Variants in SMS observed in about 807,000 individuals in gnomAD.
The protein encoded by SMS is spermine synthase.
A neutral mutation model predicts 33.0 loss-of-function variants in SMS; 3 were observed. The observed-to-expected ratio is 0.09, with a 90% confidence interval of 0.04 to 0.23. The LOEUF is 0.23. Among genes scored for constraint, SMS ranks in the 10% least tolerant of loss-of-function variants. The probability of loss-of-function intolerance (pLI) is 1.00; values close to 1 mark genes in which losing one functional copy is unlikely to be tolerated. For synonymous variants in SMS, 103 were observed against 112.2 expected, an observed-to-expected ratio of 0.92 and a Z score of 0.52; for missense variants, 117 against 288.6, an observed-to-expected ratio of 0.41 and a Z score of 4.31.
rs185363251 is a variant in SMS, at chrX:21,987,825, C to T, written c.945+2602C>T. On this transcript the variant is annotated intron_variant, in intron 9 of 10. Coordinates refer to ENST00000404933, the MANE Select transcript of SMS (RefSeq NM_004595.5). The stretch of plus-strand genomic sequence containing the variant: ...CACTAAGTCCACCTGTTGTCTACTA[C>T]AGCCGAGTGGCTGTTCTTCTTTTGT... 3.9e-3 allele frequency among the ~76,000 whole-genome samples: 441 copies of T among 112,454 alleles called. 2 individuals carry two copies. The highest frequency in any genetic ancestry group is 6.3e-3 in the Non-Finnish European group (335 of 53,292).
intron 5 of SMS, 27 bp from the exon 6 acceptor site, chrX:21,977,933 C>G: frequency 8.3e-7 from 1 of 1,204,776 alleles, no homozygotes; most frequent in Non-Finnish European, 1.1e-6. Flanking sequence ...GGTAGACTCA[C>G]CATTTGGATC....
Position 21,992,714 on chromosome X carries a change from T to C in SMS, c.1061+2T>C, listed in dbSNP as rs772633367. On this transcript the variant is annotated splice_donor_variant, in intron 10 of 10. Coordinates refer to ENST00000404933, the MANE Select transcript of SMS (RefSeq NM_004595.5). LOFTEE classifies it high-confidence loss of function. The stretch of plus-strand genomic sequence containing the variant: ...CTGTGTCCCTTCATACTTGGAATTG[T>C]ATCCTTTGACCGTGACATTCTGTTG... 9.2e-7 allele frequency: 1 copy of C among 1,092,285 alleles called. No homozygotes were observed. The highest frequency in any genetic ancestry group is 1.3e-6 in the Non-Finnish European group (1 of 787,322). The allele number at this position is 1,092,285 out of a possible 1,213,427, so 90.0% of individuals were successfully genotyped here.
chrX:21,990,870 G>A (rs941759423), intron 9 of SMS, among the ~76,000 whole-genome samples: 4 of 112,700 alleles, frequency 3.5e-5, no homozygotes, highest in African/African-American at 1.3e-4. Flanking sequence ...CTCTTACGGT[G>A]AACTTGATGT....
chrX:21,959,522 G>C (rs1036236216), intron 1 of SMS, among the ~76,000 whole-genome samples: 1 of 111,884 alleles, frequency 8.9e-6, no homozygotes, highest in Non-Finnish European at 1.9e-5. Flanking sequence ...CTTCTGAACA[G>C]ATACTTCTTT....
chrX:21,977,609 C>A (rs1050924641), intron 5 of SMS, among the ~76,000 whole-genome samples: 5 of 112,149 alleles, frequency 4.5e-5, no homozygotes, highest in Non-Finnish European at 9.4e-5. Context: ...TCTTATTTTA[C>A]CTAAACCCCA....
intron 1 of SMS, among the ~76,000 whole-genome samples, chrX:21,951,735 G>A (rs1333321841): frequency 1.1e-5 from 1 of 92,415 alleles, no homozygotes; most frequent in African/African-American, 3.9e-5. Flanking sequence ...AGGTTTAGGG[G>A]CTTTTTTTTT....
At chrX:21,986,069 C>A (rs1925303233) in intron 9 of SMS, among the ~76,000 whole-genome samples, 1 of 109,948 alleles carries the variant, frequency 9.1e-6, no homozygotes, top group African/African-American at 3.3e-5. Context: ...CAGGAAGAGG[C>A]CAGGTGTGGT....
intron 10 of SMS, among the ~76,000 whole-genome samples, chrX:21,993,667 C>T (rs1305120970): frequency 5.3e-5 from 6 of 112,278 alleles, no homozygotes; most frequent in Non-Finnish European, 9.4e-5. Flanking sequence ...GGGAGTACTC[C>T]GCCTGCTGGG....
At chrX:21,987,093 T>A (rs113702890) in intron 9 of SMS, among the ~76,000 whole-genome samples, 1 of 106,887 alleles carries the variant, frequency 9.4e-6, no homozygotes, top group Non-Finnish European at 1.9e-5. Context: ...CCTCCTGGGT[T>A]CAAGCGATTC....
At chrX:21,957,595 A>C (rs1040545605) in intron 1 of SMS, among the ~76,000 whole-genome samples, 1 of 111,798 alleles carries the variant, frequency 8.9e-6, no homozygotes, top group Non-Finnish European at 1.9e-5. Flanking sequence ...CTTCTTTTTC[A>C]AATAATGGCT....
At chrX:21,971,101 C>T (rs1386947923) in intron 2 of SMS, among the ~76,000 whole-genome samples, 1 of 108,905 alleles carries the variant, frequency 9.2e-6, no homozygotes, top group African/African-American at 3.4e-5. Flanking sequence ...GAGGCTGAGA[C>T]AGGAGAATCG....
At chrX:21,948,357 A>C (rs1418261057) in intron 1 of SMS, among the ~76,000 whole-genome samples, 3 of 110,190 alleles carry the variant, frequency 2.7e-5, no homozygotes, top group Non-Finnish European at 5.7e-5. Context: ...ATCCTGGCTA[A>C]CAAGAGAGGG....
At chrX:21,955,601 G>A (rs2147496518) in intron 1 of SMS, among the ~76,000 whole-genome samples, 1 of 111,794 alleles carries the variant, frequency 8.9e-6, no homozygotes, top group Admixed American at 9.5e-5. Context: ...CTGTTGGGTT[G>A]TAGCATGACC....
In SMS at chrX:21,941,042, C is replaced by T. The variant is rs764809324; in HGVS notation, c.49+169C>T. The T allele has an allele frequency of 5.5e-3, 703 of 127,512 alleles. 1 individual carries two copies. The highest frequency in any genetic ancestry group is 0.023 in the South Asian group (72 of 3,098). The allele number at this position is 127,512 out of a possible 1,213,427, so 10.5% of individuals were successfully genotyped here. A position where few individuals can be genotyped will look rare whatever the true frequency, so the allele number is the denominator to read the frequency against. ...GCACAGCGCGCTGCGGGGCCGCGTG[C>T]ACCGGCGGTCGGGCGGAGGCCGCGC... On this transcript the variant is annotated intron_variant, in intron 1 of 10. Coordinates refer to ENST00000404933, the MANE Select transcript of SMS (RefSeq NM_004595.5).
intron 9 of SMS, among the ~76,000 whole-genome samples, chrX:21,987,117 T>A (rs2146955900): frequency 9.3e-6 from 1 of 107,180 alleles, no homozygotes; most frequent in South Asian, 4.2e-4. Flanking sequence ...TGCCTCAGCC[T>A]CCTGAGTAGC....
chrX:21,947,316 G>A (rs1430478151), intron 1 of SMS, among the ~76,000 whole-genome samples: 2 of 111,282 alleles, frequency 1.8e-5, no homozygotes, highest in East Asian at 5.6e-4. Flanking sequence ...CTGGGAGTGG[G>A]GAATGCATGC....
chrX:21,981,727 T>C (rs1429858936), intron 7 of SMS, among the ~76,000 whole-genome samples: 1 of 111,910 alleles, frequency 8.9e-6, no homozygotes, highest in Non-Finnish European at 1.9e-5. Flanking sequence ...TAGCTAACAA[T>C]AGAAATAGGA....
intron 7 of SMS, among the ~76,000 whole-genome samples, chrX:21,983,098 G>A (rs12841626): frequency 2.7e-5 from 3 of 111,301 alleles, no homozygotes; most frequent in South Asian, 3.8e-4. Flanking sequence ...ACAGTGGTGC[G>A]CGATGATCAT....
intron 9 of SMS, among the ~76,000 whole-genome samples, chrX:21,985,613 T>A (rs938241693): frequency 5.4e-5 from 6 of 111,951 alleles, no homozygotes; most frequent in African/African-American, 2.0e-4. Context: ...TTAATTGGGG[T>A]TAAAAATATA....
Sources: gnomAD v4.1 joint callset for allele counts (sites outside exome capture counted in the v4.1 genomes callset) on GRCh38, gnomAD v4.1.1 for gene constraint, MANE v1.5 for transcripts, NCBI Gene and HGNC (gene_info 2026-07-23, HGNC 2026-07-21) for gene names.